Variants in MIS18A observed in about 807,000 individuals in gnomAD.
The protein encoded by MIS18A is protein Mis18-alpha.
A neutral mutation model predicts 25.0 loss-of-function variants in MIS18A; 14 were observed. The ratio of observed to expected loss-of-function variants is 0.56; its 90% CI spans 0.37 to 0.88. The LOEUF (loss-of-function observed/expected upper bound fraction) is 0.88, where lower values mean the gene tolerates loss of function less well. Among genes scored for constraint, MIS18A ranks in the 40% least tolerant of loss-of-function variants. The probability of loss-of-function intolerance (pLI) is 0.00; values close to 1 mark genes in which losing one functional copy is unlikely to be tolerated. For missense variants in MIS18A, 292 were observed against 290.8 expected (o/e 1.00, Z -0.03); for synonymous variants, 134 against 118.6 (o/e 1.13, Z -0.84).
At chr21:32,267,212 G>A (rs1247008205), downstream of MIS18A, among the ~76,000 whole-genome samples, 5 of 152,246 alleles carry the variant, frequency 3.3e-5, no homozygotes, top group Admixed American at 3.3e-4. Context: ...GCCACAGGTT[G>A]AGGCCAAAGA....
chr21:32,220,048 T>A, the MIS18A span, among the ~76,000 whole-genome samples: 1 of 152,182 alleles, frequency 6.6e-6, no homozygotes, highest in Non-Finnish European at 1.5e-5. Context: ...TGTGGGTGCA[T>A]CTTCAGCAGA....
the MIS18A span, among the ~76,000 whole-genome samples, chr21:32,160,643 T>C: frequency 7.3e-6 from 1 of 137,442 alleles, no homozygotes; most frequent in African/African-American, 3.5e-5. Context: ...GACAAGTGGT[T>C]GCATTCTTTT....
the MIS18A span, among the ~76,000 whole-genome samples, chr21:32,217,916 G>A: frequency 1.3e-5 from 2 of 152,036 alleles, no homozygotes; most frequent in Non-Finnish European, 2.9e-5. Flanking sequence ...CAAATAAGCT[G>A]GGTGCAGTGG....
the MIS18A span, among the ~76,000 whole-genome samples, chr21:32,205,945 C>T: frequency 5.3e-5 from 8 of 152,226 alleles, no homozygotes; most frequent in African/African-American, 1.4e-4. Flanking sequence ...CCATTCCAGT[C>T]GTTCTTGGGG....
At chr21:32,218,021 G>A in the MIS18A span, among the ~76,000 whole-genome samples, 8 of 151,448 alleles carry the variant, frequency 5.3e-5, no homozygotes, top group South Asian at 2.1e-4. Flanking sequence ...GTGAAATCCC[G>A]TCTCTACTAA....
the MIS18A span, among the ~76,000 whole-genome samples, chr21:32,168,989 C>T: frequency 2.0e-5 from 3 of 152,084 alleles, no homozygotes; most frequent in Non-Finnish European, 4.4e-5. Context: ...TCCATAAAAG[C>T]GCAGAGAACA....
chr21:32,267,228 A>G (rs2031622625), downstream of MIS18A, among the ~76,000 whole-genome samples: 1 of 152,226 alleles, frequency 6.6e-6, no homozygotes, highest in African/African-American at 2.4e-5. Flanking sequence ...AAAGATGAAG[A>G]CTGTCTTATG....
At position 32,270,573 on chromosome 21, in the gene MIS18A, T is replaced by C. The variant is rs748917393; in HGVS notation, c.402-44A>G. 8.8e-6 allele frequency: 13 copies of C among 1,476,198 alleles called. No individual in the cohort carries two copies. In the Admixed American group the frequency reaches 1.3e-4, roughly 14 times the overall value. 91.4% of individuals were successfully genotyped at this position (1,476,198 alleles called of 1,614,324 possible). ...TTGCTTTAGGAAACGAAGCAGCAAC[T>C]CATTATAATAAAAATCTCACTGTTA... On this transcript the variant is annotated intron_variant, in intron 2 of 4. Transcript: ENST00000290130.
chr21:32,221,881 A>G, the MIS18A span, among the ~76,000 whole-genome samples: 1 of 151,930 alleles, frequency 6.6e-6, no homozygotes, highest in Non-Finnish European at 1.5e-5. Flanking sequence ...AACAAGCAAG[A>G]CTCCAAAAAA....
chr21:32,241,380 A>AAAAAAC, the MIS18A span, among the ~76,000 whole-genome samples: 1 of 151,706 alleles, frequency 6.6e-6, no homozygotes, highest in Non-Finnish European at 1.5e-5. Flanking sequence ...AAAAAAAAAA[A>AAAAAAC]AAAAAACTCA....
At chr21:32,256,896 T>G in the MIS18A span, among the ~76,000 whole-genome samples, 1 of 151,926 alleles carries the variant, frequency 6.6e-6, no homozygotes, top group African/African-American at 2.4e-5. Context: ...TGAATAAGAC[T>G]CATTCTTACA....
chr21:32,193,243 GTCC>G, the MIS18A span, among the ~76,000 whole-genome samples: 1 of 152,130 alleles, frequency 6.6e-6, no homozygotes, highest in East Asian at 1.9e-4. Context: ...GGACAGTCCT[GTCC>G]TTAACTGCAA....
chr21:32,219,036 C>G, the MIS18A span, among the ~76,000 whole-genome samples: 1 of 148,772 alleles, frequency 6.7e-6, no homozygotes, highest in African/African-American at 2.5e-5. Flanking sequence ...TCATTGCACT[C>G]TAGCCTGGGT....
At chr21:32,265,563 T>C (rs1371656079), downstream of MIS18A, among the ~76,000 whole-genome samples, 1 of 152,192 alleles carries the variant, frequency 6.6e-6, no homozygotes. Flanking sequence ...TTAGCTGCCT[T>C]CCCGCGGGGC....
the MIS18A span, among the ~76,000 whole-genome samples, chr21:32,243,717 G>C: frequency 6.6e-6 from 1 of 152,258 alleles, no homozygotes; most frequent in African/African-American, 2.4e-5. Context: ...ATACTTATTA[G>C]AAGTTTTATT....
At chr21:32,156,235 CCT>C in the MIS18A span, among the ~76,000 whole-genome samples, 3 of 151,010 alleles carry the variant, frequency 2.0e-5, no homozygotes, top group Admixed American at 2.0e-4. Context: ...TAGAAAAGAG[CCT>C]CTCTGCTTAT....
chr21:32,257,620 G>A, the MIS18A span, among the ~76,000 whole-genome samples: 1 of 152,088 alleles, frequency 6.6e-6, no homozygotes. Flanking sequence ...ATTTCTGATT[G>A]CTTTTTTAGA....
At chr21:32,164,307 C>T in the MIS18A span, among the ~76,000 whole-genome samples, 7 of 152,116 alleles carry the variant, frequency 4.6e-5, no homozygotes, top group African/African-American at 1.7e-4. Flanking sequence ...AGTTGCAGAG[C>T]CAGTATTAGC....
chr21:32,164,798 G>A, the MIS18A span, among the ~76,000 whole-genome samples: 1 of 152,032 alleles, frequency 6.6e-6, no homozygotes, highest in Non-Finnish European at 1.5e-5. Flanking sequence ...TTGGGGAAAG[G>A]TAAAAAACAA....
Sources: gnomAD v4.1 joint callset for allele counts (sites outside exome capture counted in the v4.1 genomes callset) on GRCh38, gnomAD v4.1.1 for gene constraint, MANE v1.5 for transcripts, NCBI Gene and HGNC (gene_info 2026-07-23, HGNC 2026-07-21) for gene names.